Variants in SUGCT observed in about 807,000 individuals in gnomAD.
The protein encoded by SUGCT is succinyl-CoA:glutarate-CoA transferase, also known as succinyl-CoA:glutarate CoA-transferase.
In SUGCT, 41 loss-of-function variants were observed where a neutral mutation model predicts 55.0. That is an observed-to-expected ratio of 0.74 (90% CI 0.58 to 0.97). The LOEUF (loss-of-function observed/expected upper bound fraction) is 0.97. SUGCT is among the 50% of genes least tolerant of loss of function. The pLI is 0.00. For synonymous variants in SUGCT, 187 were observed against 200.4 expected (o/e 0.93, Z 0.56); for missense variants, 568 against 547.8 (o/e 1.04, Z -0.37).
chr7:40,440,611 CATG>C (rs912038655), intron 9 of SUGCT, among the ~76,000 whole-genome samples: 41 of 152,242 alleles, frequency 2.7e-4, no homozygotes, highest in African/African-American at 9.6e-4. Context: ...CCATGATATT[CATG>C]ATATTTACCA....
At chr7:40,699,155 A>G (rs1172504243) in intron 12 of SUGCT, among the ~76,000 whole-genome samples, 1 of 152,142 alleles carries the variant, frequency 6.6e-6, no homozygotes, top group Non-Finnish European at 1.5e-5. Context: ...CCAAATATTT[A>G]TGGAGCACAT....
intron 9 of SUGCT, among the ~76,000 whole-genome samples, chr7:40,332,266 GGT>G (rs1796352390): frequency 6.6e-6 from 1 of 152,052 alleles, no homozygotes; most frequent in African/African-American, 2.4e-5. Flanking sequence ...ACAGCCCCAT[GGT>G]TTCGCTTGAT....
At chr7:40,702,964 C>T (rs1785230235) in intron 12 of SUGCT, among the ~76,000 whole-genome samples, 1 of 152,054 alleles carries the variant, frequency 6.6e-6, no homozygotes, top group Non-Finnish European at 1.5e-5. Context: ...TCCTGCCTCA[C>T]CTTTGTTATT....
chr7:40,893,596 C>G, the SUGCT span, among the ~76,000 whole-genome samples: 1 of 151,928 alleles, frequency 6.6e-6, no homozygotes, highest in Non-Finnish European at 1.5e-5. Context: ...AGTGAACAAC[C>G]AATGGGTCAA....
intron 12 of SUGCT, among the ~76,000 whole-genome samples, chr7:40,713,035 C>T (rs1235295769): frequency 1.3e-5 from 2 of 152,184 alleles, no homozygotes; most frequent in Non-Finnish European, 2.9e-5. Flanking sequence ...CCATCAATGG[C>T]CCACTTCAAT....
chr7:40,324,903 T>C (rs1341124611), intron 9 of SUGCT, among the ~76,000 whole-genome samples: 1 of 152,216 alleles, frequency 6.6e-6, no homozygotes, highest in East Asian at 1.9e-4. Flanking sequence ...TCTTCTAAAC[T>C]TTTCTTCTGA....
At chr7:40,800,617 A>G (rs1448866450) in intron 13 of SUGCT, among the ~76,000 whole-genome samples, 1 of 151,890 alleles carries the variant, frequency 6.6e-6, no homozygotes, top group East Asian at 1.9e-4. Context: ...GGTCTTTGTT[A>G]TTCATTCTGG....
intron 11 of SUGCT, among the ~76,000 whole-genome samples, chr7:40,488,355 AT>A (rs1404002667): frequency 1.1e-4 from 17 of 152,222 alleles, no homozygotes; most frequent in Admixed American, 5.2e-4. Context: ...AAAACTCTAC[AT>A]TTTCACTTCA....
intron 9 of SUGCT, among the ~76,000 whole-genome samples, chr7:40,319,779 T>G (rs1361067954): frequency 6.6e-6 from 1 of 152,180 alleles, no homozygotes; most frequent in Non-Finnish European, 1.5e-5. Flanking sequence ...TGCTACTTGT[T>G]GAACATGTTG....
the SUGCT span, among the ~76,000 whole-genome samples, chr7:40,981,512 TTTC>T: frequency 6.6e-6 from 1 of 152,234 alleles, no homozygotes; most frequent in African/African-American, 2.4e-5. Context: ...TTTCAGAACA[TTTC>T]TTTTTGCAAT....
At chr7:40,941,610 G>T in the SUGCT span, among the ~76,000 whole-genome samples, 7 of 152,196 alleles carry the variant, frequency 4.6e-5, no homozygotes. Flanking sequence ...ATTTAGTCGA[G>T]TGTTTCTCTT....
intron 12 of SUGCT, among the ~76,000 whole-genome samples, chr7:40,698,999 CA>C (rs1785060318): frequency 6.6e-6 from 1 of 152,148 alleles, no homozygotes; most frequent in African/African-American, 2.4e-5. Flanking sequence ...ATCAATCACA[CA>C]GTCTTTTATG....
chr7:40,215,431 A>G (rs1480743941), intron 6 of SUGCT, among the ~76,000 whole-genome samples: 1 of 152,166 alleles, frequency 6.6e-6, no homozygotes, highest in Non-Finnish European at 1.5e-5. Flanking sequence ...TGGGATTAAT[A>G]GGTGTGAACC....
intron 7 of SUGCT, among the ~76,000 whole-genome samples, chr7:40,271,256 C>T (rs1398495119): frequency 6.6e-6 from 1 of 152,148 alleles, no homozygotes; most frequent in African/African-American, 2.4e-5. Context: ...GAGTGGACAT[C>T]CTTGTCTCAT....
At chr7:40,980,853 A>G in the SUGCT span, among the ~76,000 whole-genome samples, 315 of 152,192 alleles carry the variant, frequency 2.1e-3, no homozygotes, top group African/African-American at 6.8e-3. Flanking sequence ...CACACCACCA[A>G]GCCAGGCTAA....
intron 13 of SUGCT, among the ~76,000 whole-genome samples, chr7:40,828,312 T>C (rs1792454814): frequency 6.6e-6 from 1 of 152,234 alleles, no homozygotes; most frequent in South Asian, 2.1e-4. Context: ...ATGTTCCAGT[T>C]GGGGGCTATA....
In SUGCT at chr7:40,188,532, T is replaced by C. The variant is rs1562563343; in HGVS notation, c.264T>C (p.Phe88=). The change falls in exon 4 of 14, where the codon TTT becomes TTC. Residue 88 remains phenylalanine, a synonymous_variant. Transcript: ENST00000335693. ...GDDTRTWGPP[F]VGTESTYYLS... ...ATACACGAACTTGGGGGCCACCTTTTGTTGGGACAGAAAGTACATATTATC... is the reference window on the plus strand; with the variant it reads ...ATACACGAACTTGGGGGCCACCTTTCGTTGGGACAGAAAGTACATATTATC... 1.2e-6 allele frequency: 2 copies of C among 1,610,866 alleles called. No homozygotes were observed. Among genetic ancestry groups the C allele is most frequent in the Non-Finnish European group, 1.7e-6 (2 of 1,178,968 alleles).
intron 13 of SUGCT, among the ~76,000 whole-genome samples, chr7:40,755,444 A>G (rs1788204697): frequency 6.6e-6 from 1 of 152,224 alleles, no homozygotes; most frequent in Non-Finnish European, 1.5e-5. Context: ...GCCATTATGT[A>G]AATTTCACCT....
intron 8 of SUGCT, among the ~76,000 whole-genome samples, chr7:40,274,989 T>C (rs1489057011): frequency 6.6e-6 from 1 of 152,022 alleles, no homozygotes. Flanking sequence ...TTAGTAGAGA[T>C]GGGGTTTCTC....
Sources: allele counts gnomAD v4.1 joint callset (sites outside exome capture counted in the v4.1 genomes callset), GRCh38; gene constraint gnomAD v4.1.1; transcripts MANE v1.5; gene names NCBI Gene and HGNC (gene_info 2026-07-23, HGNC 2026-07-21).